The following AFF4 variants were observed in gnomAD, a reference collection of about 807,000 sequenced individuals.
The protein encoded by AFF4 is ALF transcription elongation factor 4.
AFF4 carries 13 observed loss-of-function variants against 124.8 expected under a neutral mutation model. The observed-to-expected ratio is 0.10, with a 90% CI of 0.07 to 0.17. The LOEUF (loss-of-function observed/expected upper bound fraction) is 0.17. AFF4 is among the 10% of genes least tolerant of loss of function. The pLI is 1.00. For missense variants in AFF4, 1,092 were observed against 1,403.8 expected (o/e 0.78, Z 3.55); for synonymous variants, 477 against 496.1 (o/e 0.96, Z 0.51).
rs1186925703 is a variant in AFF4 at position 132,880,508 on chromosome 5, GGAGTTAA to G, written c.*544_*550del. 2.5e-6 allele frequency: 1 copy of G among 395,966 alleles called. No individual in the cohort carries two copies. Among genetic ancestry groups the G allele is most frequent in the African/African-American group, 2.1e-5 (1 of 48,536 alleles). 24.5% of individuals were successfully genotyped at this position (395,966 alleles called of 1,614,324 possible). ...CTGTAAATTCCACAATAATAAAATT[GGAGTTAA>G]GATTTCAAATATCAGGTCAGGTAGC... On this transcript the variant is annotated 3_prime_UTR_variant, in exon 21 of 21. Transcript: ENST00000265343.
At chr5:132,891,650 T>G (rs1241005799) in intron 13 of AFF4, among the ~76,000 whole-genome samples, 1 of 152,250 alleles carries the variant, frequency 6.6e-6, no homozygotes, top group Non-Finnish European at 1.5e-5. Flanking sequence ...TTTGTCACTT[T>G]ACGTAATATA....
rs1190906232 is a variant in AFF4 at position 132,886,244 on chromosome 5, A to ATGTTGGG, written c.3099+65_3099+66insCCCAACA. 27 of 1,395,042 alleles carry ATGTTGGG rather than the reference A, an allele frequency of 1.9e-5. No individual in the cohort carries two copies. In the East Asian group the frequency reaches 5.5e-4, roughly 28 times the overall value. The allele number at this position is 1,395,042 out of a possible 1,614,324, so 86.4% of individuals were successfully genotyped here. On this transcript the variant is annotated intron_variant, in intron 18 of 20. Transcript: ENST00000265343. Reference sequence around the variant, plus strand: ...TTGCATAAACATGAGGGCAGTTCTCAGATGGGGATGGGAGACTACAAATTC... The same window carrying ATGTTGGG: ...TTGCATAAACATGAGGGCAGTTCTCATGTTGGGGATGGGGATGGGAGACTACAAATTC...
chr5:132,955,975 T>C (rs1221050863), intron 1 of AFF4, among the ~76,000 whole-genome samples: 4 of 148,476 alleles, frequency 2.7e-5, no homozygotes, highest in Non-Finnish European at 4.5e-5. Flanking sequence ...ATGCACAAGA[T>C]GTGTAATATA....
At chr5:132,920,487 C>A (rs1208771031) in intron 5 of AFF4, among the ~76,000 whole-genome samples, 1 of 151,692 alleles carries the variant, frequency 6.6e-6, no homozygotes, top group African/African-American at 2.4e-5. Flanking sequence ...TCCCAAGTAG[C>A]TGGGACTATA....
At chr5:132,923,993 C>T (rs542103958) in intron 5 of AFF4, among the ~76,000 whole-genome samples, 16 of 151,750 alleles carry the variant, frequency 1.1e-4, no homozygotes, top group South Asian at 2.1e-4. Context: ...TGGTGGCTCA[C>T]GCCTGTGATC....
chr5:132,963,280 G>T lies in AFF4; in HGVS notation c.-26C>A, dbSNP rs1021310311. 5.1e-6 allele frequency: 2 copies of T among 395,024 alleles called. No homozygotes were observed. The highest frequency in any genetic ancestry group is 8.9e-6 in the Non-Finnish European group (2 of 224,018). 24.5% of individuals were successfully genotyped at this position (395,024 alleles called of 1,614,324 possible). ...TTACCTCCAGTCCCGGCTCCGCTAG[G>T]CCCGAACCATCTCCTGGCTGCGGCA... On this transcript the variant is annotated 5_prime_UTR_variant, in exon 1 of 21. Coordinates refer to ENST00000265343, the MANE Select transcript of AFF4 (RefSeq NM_014423.4).
intron 1 of AFF4, among the ~76,000 whole-genome samples, chr5:132,956,200 G>A (rs980504445): frequency 6.6e-6 from 1 of 152,022 alleles, no homozygotes; most frequent in African/African-American, 2.4e-5. Context: ...AAATATTTCA[G>A]GTTTGGCAGG....
chr5:132,951,961 G>A (rs927719408), intron 1 of AFF4, among the ~76,000 whole-genome samples: 1 of 152,162 alleles, frequency 6.6e-6, no homozygotes, highest in African/African-American at 2.4e-5. Context: ...TCAGCATTAT[G>A]AGGTTAATCC....
intron 1 of AFF4, among the ~76,000 whole-genome samples, chr5:132,940,143 T>C (rs751190966): frequency 4.6e-5 from 7 of 151,786 alleles, no homozygotes; most frequent in Non-Finnish European, 5.9e-5. Context: ...GAGGTTGCAG[T>C]GAGTCAAGAT....
intron 5 of AFF4, among the ~76,000 whole-genome samples, chr5:132,913,842 A>C (rs1175913094): frequency 6.6e-6 from 1 of 152,222 alleles, no homozygotes; most frequent in Non-Finnish European, 1.5e-5. Context: ...ATGCTTCATG[A>C]CCACAATGGA....
At chr5:132,963,054 CTTTT>C (rs951343063) in intron 1 of AFF4, among the ~76,000 whole-genome samples, 4 of 152,120 alleles carry the variant, frequency 2.6e-5, no homozygotes, top group African/African-American at 9.7e-5. Flanking sequence ...ATTGGGTTAG[CTTTT>C]TTTATTTTCT....
At chr5:132,914,043 C>A (rs971178345) in intron 5 of AFF4, among the ~76,000 whole-genome samples, 4 of 152,014 alleles carry the variant, frequency 2.6e-5, no homozygotes, top group African/African-American at 9.7e-5. Context: ...GCCTGACCAA[C>A]ATGGTGAAAC....
intron 2 of AFF4, among the ~76,000 whole-genome samples, chr5:132,936,685 C>T (rs1761439260): frequency 6.6e-6 from 1 of 152,118 alleles, no homozygotes; most frequent in African/African-American, 2.4e-5. Flanking sequence ...TGGTTAGTAG[C>T]ACAACTAGGA....
chr5:132,901,709 T>C lies in AFF4; in HGVS notation c.1133+733A>G, dbSNP rs140115192. Among the ~76,000 whole-genome samples, 309 of 152,350 alleles carry C rather than the reference T, an allele frequency of 2.0e-3. 1 individual carries two copies. The highest frequency in any genetic ancestry group is 6.8e-3 in the African/African-American group (284 of 41,584). On this transcript the variant is annotated intron_variant, in intron 7 of 20. Transcript: ENST00000265343. ...TTAATCTAGTGGTTAAATGAAGGGC[T>C]TGGCCTAAAGAAGAATCCTGTCTTT...
At chr5:132,935,519 C>G (rs1247981969) in intron 2 of AFF4, among the ~76,000 whole-genome samples, 1 of 152,056 alleles carries the variant, frequency 6.6e-6, no homozygotes, top group Non-Finnish European at 1.5e-5. Flanking sequence ...ACCTATAATT[C>G]CAGCACTTTG....
chr5:132,897,071 C>T lies in AFF4; in HGVS notation c.1559G>A (p.Gly520Glu), dbSNP rs758589934. Residue 520 changes from glycine (G) to glutamate (E), a missense_variant, in exon 11 of 21, where the codon GGA (glycine) becomes GAA (glutamate). Gly to Glu is a moderately conservative substitution (Grantham distance 98). Coordinates refer to ENST00000265343, the MANE Select transcript of AFF4 (RefSeq NM_014423.4). ...AGTAGCGGAACTCGTTTCTTTAGGT[C>T]CACTTGTATCAGTGTAGCTATTCCC... Reference protein sequence around the residue: ...GTGNSYTDTSGPKETSSATPG... With the variant: ...GTGNSYTDTSEPKETSSATPG... 6.2e-7 allele frequency: 1 copy of T among 1,614,032 alleles called. No homozygotes were observed. The highest frequency in any genetic ancestry group is 8.5e-7 in the Non-Finnish European group (1 of 1,180,028).
In AFF4 at chr5:132,963,365, T is replaced by C; in HGVS notation, c.-111A>G. On this transcript the variant is annotated 5_prime_UTR_variant, in exon 1 of 21. Coordinates refer to ENST00000265343, the MANE Select transcript of AFF4 (RefSeq NM_014423.4). The stretch of plus-strand genomic sequence containing the variant: ...GCATTCGAGCCCGCCCAGGGGGCGG[T>C]GACAGGCTGCCAAGGGCGAGGGGCT... 1 of 397,352 alleles carries C rather than the reference T, an allele frequency of 2.5e-6. No individual in the cohort carries two copies. The highest frequency in any genetic ancestry group is 4.4e-6 in the Non-Finnish European group (1 of 225,204). The allele number at this position is 397,352 out of a possible 1,614,324, so 24.6% of individuals were successfully genotyped here.
intron 1 of AFF4, among the ~76,000 whole-genome samples, chr5:132,961,865 A>C (rs1379120049): frequency 6.6e-6 from 1 of 152,230 alleles, no homozygotes; most frequent in Non-Finnish European, 1.5e-5. Flanking sequence ...GGTAATAAAA[A>C]AAGAAAAATT....
At chr5:132,908,153 A>C (rs994808171) in intron 5 of AFF4, among the ~76,000 whole-genome samples, 2 of 152,058 alleles carry the variant, frequency 1.3e-5, no homozygotes, top group Non-Finnish European at 2.9e-5. Context: ...ATTACTAAGA[A>C]ATTTTTCCAT....
Sources: allele counts gnomAD v4.1 joint callset (sites outside exome capture counted in the v4.1 genomes callset), GRCh38; gene constraint gnomAD v4.1.1; transcripts MANE v1.5; gene names NCBI Gene and HGNC (gene_info 2026-07-23, HGNC 2026-07-21).